DHRS13: variants seen among roughly 807,000 people sequenced by gnomAD.
The protein encoded by DHRS13 is dehydrogenase/reductase 13, also known as dehydrogenase/reductase SDR family member 13.
In DHRS13, 22 loss-of-function variants were observed where a neutral mutation model predicts 17.9. That is an observed-to-expected ratio of 1.23 (90% confidence interval 0.88 to 1.75). The LOEUF is 1.75. Among genes scored for constraint, DHRS13 ranks in the 40% most tolerant of loss-of-function variants. DHRS13 has a pLI of 0.00. For synonymous variants in DHRS13, 206 were observed against 220.4 expected (o/e 0.93, Z 0.58); for missense variants, 483 against 519.9 (o/e 0.93, Z 0.69).
chr17:28,898,036 T>TA lies in DHRS13; in HGVS notation c.*404dup. On this transcript the variant is annotated 3_prime_UTR_variant, in exon 5 of 5. Transcript: ENST00000378895. The stretch of plus-strand genomic sequence containing the variant: ...GCTCGGGAGCCTAATTCCGCTTCAT[T>TA]AACATGGGGGTAATTTAACTACCTA... The TA allele has an allele frequency of 4.4e-6, 1 of 226,860 alleles. No homozygotes were observed. Among genetic ancestry groups the TA allele is most frequent in the Non-Finnish European group, 8.6e-6 (1 of 116,446 alleles). 14.1% of individuals were successfully genotyped at this position (226,860 alleles called of 1,614,324 possible). A position where few individuals can be genotyped will look rare whatever the true frequency, so the allele number is the denominator to read the frequency against.
In DHRS13 at chr17:28,902,989, G is replaced by C. The variant is rs1209227470; in HGVS notation, c.-45C>G. On this transcript the variant is annotated 5_prime_UTR_variant, in exon 1 of 5. Coordinates refer to ENST00000378895, the MANE Select transcript of DHRS13 (RefSeq NM_144683.4). The surrounding 1 kb of genome is among the most constrained non-coding windows in gnomAD (Gnocchi z 4.0). The stretch of plus-strand genomic sequence containing the variant: ...TCCCGCCCAGGCCCCGCACCGCCCT[G>C]GATCGCCGCCAGGCGGCTGCCGATC... 1 of 1,375,970 alleles carries C rather than the reference G, an allele frequency of 7.3e-7. No individual in the cohort carries two copies. The allele number at this position is 1,375,970 out of a possible 1,614,324, so 85.2% of individuals were successfully genotyped here.
At chr17:28,900,915 C>T (rs934056418) in intron 4 of DHRS13, 75 bp downstream of exon 4, 20 of 1,445,714 alleles carry the variant, frequency 1.4e-5, no homozygotes, top group South Asian at 6.8e-5. Context: ...GGTGGGGAGG[C>T]GGTAGTGGTG....
Position 28,899,730 on chromosome 17 carries a change from CAG to C in DHRS13, c.683-840_683-839del, listed in dbSNP as rs753865512. On this transcript the variant is annotated intron_variant, in intron 4 of 4. Transcript: ENST00000378895. This position sits in a 1 kb window ranked among gnomAD's most constrained non-coding sequence, Gnocchi z 4.7. ...CACTTACTTTTTTCTGTTTTGGAGACAGAGTCTCGCTCTGTCACCCAGGCTGG... is the reference window on the plus strand; with the variant it reads ...CACTTACTTTTTTCTGTTTTGGAGACAGTCTCGCTCTGTCACCCAGGCTGG... 3.3e-5 allele frequency among the ~76,000 whole-genome samples: 5 copies of C among 152,118 alleles called. No homozygotes were observed. The highest frequency in any genetic ancestry group is 6.6e-5 in the Admixed American group (1 of 15,264).
chr17:28,900,932 G>C, intron 4 of DHRS13, 58 bp downstream of exon 4: 1 of 1,520,102 alleles, frequency 6.6e-7, no homozygotes, highest in South Asian at 1.3e-5. Flanking sequence ...GGTGTGGGGG[G>C]CACAGGATGG....
intron 4 of DHRS13, among the ~76,000 whole-genome samples, chr17:28,900,389 G>C (rs1260948980): frequency 6.6e-6 from 1 of 152,224 alleles, no homozygotes; most frequent in Admixed American, 6.5e-5. Context: ...AGTGAGCCAT[G>C]TATCTTTCAG....
Position 28,899,904 on chromosome 17 carries a change from CTTTTTTT to C in DHRS13, c.683-1019_683-1013del, listed in dbSNP as rs1053784138. ...TGTATTTGTAGTAGAGACAGGTTTT[CTTTTTTT>C]TTTCTTTTTTCTTTTTTTTTGAGAT... On this transcript the variant is annotated intron_variant, in intron 4 of 4. Coordinates refer to ENST00000378895, the MANE Select transcript of DHRS13 (RefSeq NM_144683.4). This position sits in a 1 kb window ranked among gnomAD's most constrained non-coding sequence, Gnocchi z 4.7. 1.1e-4 allele frequency among the ~76,000 whole-genome samples: 16 copies of C among 148,328 alleles called. No homozygotes were observed. The East Asian group carries it at 2.9e-3, about 27-fold the overall frequency.
rs1270891527 is a variant in DHRS13 at position 28,901,808 on chromosome 17, A to G, written c.247-192T>C. The G allele has an allele frequency of 1.2e-6, 1 of 842,948 alleles. No homozygotes were observed. Among genetic ancestry groups the G allele is most frequent in the Non-Finnish European group, 1.8e-6 (1 of 564,828 alleles). 52.2% of individuals were successfully genotyped at this position (842,948 alleles called of 1,614,324 possible). On this transcript the variant is annotated intron_variant, in intron 2 of 4. Transcript: ENST00000378895. The surrounding 1 kb of genome is among the most constrained non-coding windows in gnomAD (Gnocchi z 4.3). ...ACTAAAGTGTGACCTTGGGCAAGAT[A>G]CTTAATCTCTCTGGGTCTCAGTTCT...
chr17:28,900,661 T>C (rs1218666250), intron 4 of DHRS13, among the ~76,000 whole-genome samples: 1 of 152,210 alleles, frequency 6.6e-6, no homozygotes, highest in Non-Finnish European at 1.5e-5. Context: ...AAATGCTTCT[T>C]GGATGAATTA....
At position 28,898,422 on chromosome 17, in the gene DHRS13, A is replaced by G. The variant is rs1265084602; in HGVS notation, c.*19T>C. ...TTCAAGGACCATGAAGTGCCATGGC[A>G]AGCATCCTGGCCTGAGGGTTAGGAG... On this transcript the variant is annotated 3_prime_UTR_variant, in exon 5 of 5. Coordinates refer to ENST00000378895, the MANE Select transcript of DHRS13 (RefSeq NM_144683.4). The G allele has an allele frequency of 8.2e-5, 126 of 1,545,188 alleles. No individual in the cohort carries two copies. The East Asian group carries it at 3.0e-3, about 37-fold the overall frequency.
chr17:28,900,375 C>A (rs2152652464), intron 4 of DHRS13, among the ~76,000 whole-genome samples: 1 of 152,328 alleles, frequency 6.6e-6, no homozygotes, highest in East Asian at 1.9e-4. Context: ...CTGGGCATCT[C>A]CCCAGTGAGC....
At position 28,902,554 on chromosome 17, in the gene DHRS13, C is replaced by T; in HGVS notation, c.246+29G>A. On this transcript the variant is annotated intron_variant, in intron 2 of 4. Transcript: ENST00000378895. This position sits in a 1 kb window ranked among gnomAD's most constrained non-coding sequence, Gnocchi z 4.0. ...TGTGTCCCGGCGGGTTCTCGGCTCACCGTCCCACGCGCCCCCGCTGCCTCT... is the reference window on the plus strand; with the variant it reads ...TGTGTCCCGGCGGGTTCTCGGCTCATCGTCCCACGCGCCCCCGCTGCCTCT... 1 of 1,464,086 alleles carries T rather than the reference C, an allele frequency of 6.8e-7. No homozygotes were observed. 90.7% of individuals were successfully genotyped at this position (1,464,086 alleles called of 1,614,324 possible).
In DHRS13 at chr17:28,902,778, C is replaced by A. The variant is rs371122246; in HGVS notation, c.127+40G>T. The A allele has an allele frequency of 1.4e-6, 2 of 1,456,832 alleles. No individual in the cohort carries two copies. Among genetic ancestry groups the A allele is most frequent in the African/African-American group, 3.0e-5 (2 of 67,544 alleles). The allele number at this position is 1,456,832 out of a possible 1,614,324, so 90.2% of individuals were successfully genotyped here. A position where few individuals can be genotyped will look rare whatever the true frequency, so the allele number is the denominator to read the frequency against. On this transcript the variant is annotated intron_variant, in intron 1 of 4. Coordinates refer to ENST00000378895, the MANE Select transcript of DHRS13 (RefSeq NM_144683.4). This position sits in a 1 kb window ranked among gnomAD's most constrained non-coding sequence, Gnocchi z 4.0. The stretch of plus-strand genomic sequence containing the variant: ...TACCGCCGGCCCGGCCTCCTCTCCG[C>A]GCGCCCCGCCAGCTCGCACTCACCC...
chr17:28,898,000 C>T lies in DHRS13; in HGVS notation c.*441G>A, dbSNP rs1737570681. On this transcript the variant is annotated 3_prime_UTR_variant, in exon 5 of 5. Coordinates refer to ENST00000378895, the MANE Select transcript of DHRS13 (RefSeq NM_144683.4). The surrounding 1 kb of genome is among the most constrained non-coding windows in gnomAD (Gnocchi z 4.4). ...CTCCTACTCACTGTGAGACCCTAGG[C>T]GAGTCCCTTAGCTCGGGAGCCTAAT... 8.9e-6 allele frequency: 2 copies of T among 225,294 alleles called. No homozygotes were observed. The highest frequency in any genetic ancestry group is 6.0e-5 in the Admixed American group (1 of 16,776). The allele number at this position is 225,294 out of a possible 1,614,324, so 14.0% of individuals were successfully genotyped here. A position where few individuals can be genotyped will look rare whatever the true frequency, so the allele number is the denominator to read the frequency against.
chr17:28,898,239 G>C lies in DHRS13; in HGVS notation c.*202C>G. ...AGCATACCCCTATCTCTCCATCTGG[G>C]GTTACTGTCACTCTCAGGAAGAAAT... On this transcript the variant is annotated 3_prime_UTR_variant, in exon 5 of 5. Coordinates refer to ENST00000378895, the MANE Select transcript of DHRS13 (RefSeq NM_144683.4). 1 of 598,150 alleles carries C rather than the reference G, an allele frequency of 1.7e-6. No individual in the cohort carries two copies. The highest frequency in any genetic ancestry group is 2.9e-6 in the Non-Finnish European group (1 of 348,920). 37.1% of individuals were successfully genotyped at this position (598,150 alleles called of 1,614,324 possible).
rs1598108202 is a variant in DHRS13 at position 28,898,975 on chromosome 17, G to A, written c.683-83C>T. On this transcript the variant is annotated intron_variant, in intron 4 of 4. Coordinates refer to ENST00000378895, the MANE Select transcript of DHRS13 (RefSeq NM_144683.4). ...CACAGCTACTCGGGAGGCGGAGCAG[G>A]AGGATCACTTGAGCCCAGGAGTTTG... The A allele has an allele frequency of 2.2e-6, 3 of 1,381,014 alleles. No individual in the cohort carries two copies. In the East Asian group the frequency reaches 7.6e-5, roughly 35 times the overall value. The allele number at this position is 1,381,014 out of a possible 1,614,324, so 85.5% of individuals were successfully genotyped here. A position where few individuals can be genotyped will look rare whatever the true frequency, so the allele number is the denominator to read the frequency against.
chr17:28,902,563 G>T lies in DHRS13; in HGVS notation c.246+20C>A. 6.8e-7 allele frequency: 1 copy of T among 1,469,394 alleles called. No individual in the cohort carries two copies. The highest frequency in any genetic ancestry group is 1.3e-5 in the South Asian group (1 of 76,990). The allele number at this position is 1,469,394 out of a possible 1,614,324, so 91.0% of individuals were successfully genotyped here. Reference sequence around the variant, plus strand: ...GCGGGTTCTCGGCTCACCGTCCCACGCGCCCCCGCTGCCTCTCACCTGGCG... The same window carrying T: ...GCGGGTTCTCGGCTCACCGTCCCACTCGCCCCCGCTGCCTCTCACCTGGCG... On this transcript the variant is annotated intron_variant, in intron 2 of 4. Coordinates refer to ENST00000378895, the MANE Select transcript of DHRS13 (RefSeq NM_144683.4). This position sits in a 1 kb window ranked among gnomAD's most constrained non-coding sequence, Gnocchi z 4.0.
rs776155895 is a variant in DHRS13, at chr17:28,903,044, G to A, written c.-100C>T. 1,456 of 1,093,516 alleles carry A rather than the reference G, an allele frequency of 1.3e-3. 3 individuals are homozygous for A. Among genetic ancestry groups the A allele is most frequent in the Non-Finnish European group, 1.6e-3 (1,388 of 865,436 alleles). 67.7% of individuals were successfully genotyped at this position (1,093,516 alleles called of 1,614,324 possible). A position where few individuals can be genotyped will look rare whatever the true frequency, so the allele number is the denominator to read the frequency against. On this transcript the variant is annotated 5_prime_UTR_variant, in exon 1 of 5. Coordinates refer to ENST00000378895, the MANE Select transcript of DHRS13 (RefSeq NM_144683.4). This position sits in a 1 kb window ranked among gnomAD's most constrained non-coding sequence, Gnocchi z 4.8. ...CTGCACAGGCCTGGAACGGCGCCCG[G>A]GCGCGTCAGCCTCCGAAGGCGGAGG...
chr17:28,901,568 G>C lies in DHRS13; in HGVS notation c.295C>G (p.Leu99Val). 2 of 1,614,228 alleles carry C rather than the reference G, an allele frequency of 1.2e-6. No homozygotes were observed. Among genetic ancestry groups the C allele is most frequent in the Non-Finnish European group, 1.7e-6 (2 of 1,180,038 alleles). ...GTGGCAAAGGCCCGCACCGAGGCCAGACTGGCCAAGTCCAAGGCCATGAAG... is the reference window on the plus strand; with the variant it reads ...GTGGCAAAGGCCCGCACCGAGGCCACACTGGCCAAGTCCAAGGCCATGAAG... Reference protein sequence around the residue: ...VIFMALDLASLASVRAFATAF... With the variant: ...VIFMALDLASVASVRAFATAF... Residue 99 changes from leucine (L) to valine (V), a missense_variant, in exon 3 of 5, where the codon CTG becomes GTG. Physicochemically the swap from Leu to Val is conservative, Grantham distance 32. Coordinates refer to ENST00000378895, the MANE Select transcript of DHRS13 (RefSeq NM_144683.4). The surrounding 1 kb of genome is among the most constrained non-coding windows in gnomAD (Gnocchi z 4.3).
In DHRS13 at chr17:28,899,709, T is replaced by A. The variant is rs976493918; in HGVS notation, c.683-817A>T. 6.6e-6 allele frequency among the ~76,000 whole-genome samples: 1 copy of A among 152,156 alleles called. No homozygotes were observed. The highest frequency in any genetic ancestry group is 2.4e-5 in the African/African-American group (1 of 41,416). On this transcript the variant is annotated intron_variant, in intron 4 of 4. Transcript: ENST00000378895. The surrounding 1 kb of genome is among the most constrained non-coding windows in gnomAD (Gnocchi z 4.7). ...ACTTCTGCCTTAGGGCCTCTGCACT[T>A]ACTTTTTTCTGTTTTGGAGACAGAG... is the stretch of plus-strand genomic sequence containing the variant.
Sources: gnomAD v4.1 joint callset for allele counts (sites outside exome capture counted in the v4.1 genomes callset) on GRCh38, gnomAD v4.1.1 for gene constraint, Gnocchi (gnomAD v3.1) non-coding constraint, MANE v1.5 for transcripts, NCBI Gene and HGNC (gene_info 2026-07-23, HGNC 2026-07-21) for gene names.